MYH3: variants seen among roughly 807,000 people sequenced by gnomAD.
MYH3 encodes the protein myosin-3.
MYH3 carries 130 observed loss-of-function variants against 238.0 expected under a neutral mutation model. That is an observed-to-expected ratio of 0.55 (90% confidence interval 0.47 to 0.63). MYH3 has a LOEUF of 0.63. MYH3 is among the 30% of genes least tolerant of loss of function. MYH3 has a pLI of 0.00. For missense variants in MYH3, 1,853 were observed against 2,374.9 expected, an observed-to-expected ratio of 0.78 and a Z score of 4.57; for synonymous variants, 880 against 924.1, an observed-to-expected ratio of 0.95 and a Z score of 0.86.
the MYH3 span, chr17:10,675,466 T>G: frequency 1.3e-5 from 2 of 152,236 alleles, no homozygotes; most frequent in African/African-American, 4.8e-5. Flanking sequence ...TACTTTTCTT[T>G]TGGAGTTATA....
the MYH3 span, among the ~76,000 whole-genome samples, chr17:10,666,221 A>T: frequency 6.6e-6 from 1 of 152,250 alleles, no homozygotes; most frequent in Non-Finnish European, 1.5e-5. Context: ...GTAAAATAAA[A>T]AACAATAGAT....
At chr17:10,648,371 A>G (rs961050961) in intron 8 of MYH3, among the ~76,000 whole-genome samples, 186 bp downstream of exon 8, 8 of 152,108 alleles carry the variant, frequency 5.3e-5, no homozygotes, top group Non-Finnish European at 1.0e-4. Flanking sequence ...CCTGGCCCCC[A>G]GTTCCTCTCT....
chr17:10,659,378 T>G (rs1439889227), upstream of MYH3, among the ~76,000 whole-genome samples: 1 of 152,206 alleles, frequency 6.6e-6, no homozygotes, highest in Non-Finnish European at 1.5e-5. Context: ...TTCTTCATCT[T>G]CAGCAAACAA....
chr17:10,644,507 G>A lies in MYH3; in HGVS notation c.1261-7C>T. 6.2e-7 allele frequency: 1 copy of A among 1,614,160 alleles called. No homozygotes were observed. Among genetic ancestry groups the A allele is most frequent in the Non-Finnish European group, 8.5e-7 (1 of 1,179,984 alleles). On this transcript the variant is annotated splice_region_variant and splice_polypyrimidine_tract_variant and intron_variant, in intron 13 of 40. Coordinates refer to ENST00000583535, the MANE Select transcript of MYH3 (RefSeq NM_002470.4). ...CATTCACAGCATGGTGAACCTATCAGGGGAAAGATCAGCTACTGGATATGA... is the reference window on the plus strand; with the variant it reads ...CATTCACAGCATGGTGAACCTATCAAGGGAAAGATCAGCTACTGGATATGA...
the MYH3 span, among the ~76,000 whole-genome samples, chr17:10,671,463 T>C: frequency 2.0e-5 from 3 of 152,274 alleles, no homozygotes; most frequent in East Asian, 5.8e-4. Flanking sequence ...TCTTTTAGTG[T>C]TTTGTCAAAC....
At chr17:10,649,536 T>C in intron 7 of MYH3, 41 bp downstream of exon 7, 1 of 1,520,428 alleles carries the variant, frequency 6.6e-7, no homozygotes, top group Non-Finnish European at 9.1e-7. Flanking sequence ...AGACCACAGT[T>C]AAAAGTGGAA....
chr17:10,670,884 A>T, the MYH3 span, among the ~76,000 whole-genome samples: 2 of 151,856 alleles, frequency 1.3e-5, no homozygotes, highest in African/African-American at 4.8e-5. This position sits in a 1 kb window ranked among gnomAD's most constrained non-coding sequence, Gnocchi z 7.0. Flanking sequence ...ATCTGCTGTA[A>T]TTGTTTTTGT....
At position 10,640,203 on chromosome 17, in the gene MYH3, G is replaced by C. The variant is rs1305494920; in HGVS notation, c.2475C>G (p.Val825=). The change falls in exon 22 of 41, where the codon GTC becomes GTG. Residue 825 remains valine (V), a synonymous_variant. Transcript: ENST00000583535. ...AGAGTTTCATCCAGGGCCAGTGCTTGACGTTCATGAATGAGCGAATGTTGT... is the reference window on the plus strand; with the variant it reads ...AGAGTTTCATCCAGGGCCAGTGCTTCACGTTCATGAATGAGCGAATGTTGT... The part of the protein sequence containing the change: ...IQYNIRSFMN[V]KHWPWMKLFF... 6.2e-7 allele frequency: 1 copy of C among 1,614,192 alleles called. No homozygotes were observed. The highest frequency in any genetic ancestry group is 8.5e-7 in the Non-Finnish European group (1 of 1,180,042).
chr17:10,659,530 A>G (rs1308132023), upstream of MYH3, among the ~76,000 whole-genome samples: 1 of 152,170 alleles, frequency 6.6e-6, no homozygotes, highest in Admixed American at 6.5e-5. Context: ...GACACTTTTT[A>G]TGTGTCAGGC....
chr17:10,650,276 TG>T, intron 6 of MYH3, 97 bp downstream of exon 6: 1 of 1,315,498 alleles, frequency 7.6e-7, no homozygotes, highest in Non-Finnish European at 1.1e-6. Context: ...GCGCCCAGCC[TG>T]ATCTTTTTAT....
chr17:10,672,597 T>A, the MYH3 span: 1 of 152,204 alleles, frequency 6.6e-6, no homozygotes, highest in African/African-American at 2.4e-5. Context: ...CACAGATCAT[T>A]TTTACCACTT....
At chr17:10,658,512 C>G (rs1348317861), upstream of MYH3, 2 of 152,200 alleles carry the variant, frequency 1.3e-5, no homozygotes, top group Non-Finnish European at 2.9e-5. Context: ...CGAGAAGACG[C>G]AGAGGAAACA....
chr17:10,652,203 G>A lies in MYH3; in HGVS notation c.348+217C>T, dbSNP rs112039044. 0.02 allele frequency: 12,632 copies of A among 646,198 alleles called. 147 individuals are homozygous for A. Among genetic ancestry groups the A allele is most frequent in the African/African-American group, 0.029 (1,651 of 55,998 alleles). 40.0% of individuals were successfully genotyped at this position (646,198 alleles called of 1,614,324 possible). On this transcript the variant is annotated intron_variant, in intron 4 of 40. Transcript: ENST00000583535. ...GACCAAGCCTGGCCCCAGCTTCCCCGCTCTCCGGCTCCTGGTCCTCCTTCC... is the reference window on the plus strand; with the variant it reads ...GACCAAGCCTGGCCCCAGCTTCCCCACTCTCCGGCTCCTGGTCCTCCTTCC...
chr17:10,670,055 A>G, the MYH3 span, among the ~76,000 whole-genome samples: 1,776 of 152,326 alleles, frequency 0.012, 28 homozygotes, highest in African/African-American at 0.039. This position sits in a 1 kb window ranked among gnomAD's most constrained non-coding sequence, Gnocchi z 7.0. Flanking sequence ...GTGGGGAGGC[A>G]GAGGCAGCTG....
chr17:10,637,780 G>GCC, intron 28 of MYH3, 29 bp downstream of exon 28: 2 of 1,613,546 alleles, frequency 1.2e-6, no homozygotes, highest in East Asian at 4.5e-5. Context: ...GGAGGTTTTG[G>GCC]CCCCACGGGT....
At position 10,638,803 on chromosome 17, in the gene MYH3, T is replaced by C; in HGVS notation, c.3339+70A>G. On this transcript the variant is annotated intron_variant, in intron 26 of 40. Coordinates refer to ENST00000583535, the MANE Select transcript of MYH3 (RefSeq NM_002470.4). ...GTCTTGCCCACTTTCTCTAAATGGC[T>C]TATAGCAGACAGCACCCAGCTCACT... The C allele has an allele frequency of 8.0e-6, 12 of 1,490,812 alleles. 1 individual carries two copies. In the South Asian group the frequency reaches 1.4e-4, roughly 17 times the overall value. 92.3% of individuals were successfully genotyped at this position (1,490,812 alleles called of 1,614,324 possible).
chr17:10,644,303 T>C, intron 14 of MYH3, 48 bp downstream of exon 14: 1 of 1,590,636 alleles, frequency 6.3e-7, no homozygotes, highest in Non-Finnish European at 8.6e-7. Context: ...TGAAACCAAT[T>C]TCCCTCATAT....
At chr17:10,655,668 T>G (rs1311790246) in intron 2 of MYH3, among the ~76,000 whole-genome samples, 1 of 152,102 alleles carries the variant, frequency 6.6e-6, no homozygotes, top group Non-Finnish European at 1.5e-5. Flanking sequence ...TGCCTTTTTT[T>G]TTTGAGATGG....
chr17:10,630,868 AG>A (rs1454547250), intron 36 of MYH3, among the ~76,000 whole-genome samples: 1 of 151,988 alleles, frequency 6.6e-6, no homozygotes, highest in Non-Finnish European at 1.5e-5. Context: ...GGGGGAAGAA[AG>A]AAAGAAAGAA....
Sources: allele counts gnomAD v4.1 joint callset (sites outside exome capture counted in the v4.1 genomes callset), GRCh38; gene constraint gnomAD v4.1.1; non-coding constraint Gnocchi (gnomAD v3.1); transcripts MANE v1.5; gene names NCBI Gene and HGNC (gene_info 2026-07-23, HGNC 2026-07-21).